The following USP15 variants were observed in gnomAD, a reference collection of about 807,000 sequenced individuals.
USP15 encodes the protein ubiquitin carboxyl-terminal hydrolase 15.
A neutral mutation model predicts 127.1 loss-of-function variants in USP15; 18 were observed. That is an observed-to-expected ratio of 0.14 (90% CI 0.10 to 0.21). The LOEUF is 0.21. Ranked by LOEUF, USP15 falls within the 10% of genes least tolerant of loss-of-function variation. The pLI is 1.00. For synonymous variants in USP15, 364 were observed against 393.7 expected (o/e 0.92, Z 0.89); for missense variants, 805 against 1,159.9 (o/e 0.69, Z 4.44).
At chr12:62,273,148 CCT>C (rs1266152752) in intron 1 of USP15, among the ~76,000 whole-genome samples, 3,339 of 152,078 alleles carry the variant, frequency 0.022, 122 homozygotes, top group African/African-American at 0.075. Flanking sequence ...GTCCTTCTGG[CCT>C]TAGCATGTCA....
chr12:62,390,043 A>G lies in USP15; in HGVS notation c.1844+55A>G. ...AATAAATATGGGAATAAAATATAAA[A>G]TAGCTAATAAAAATAAACACATAAG... On this transcript the variant is annotated intron_variant, in intron 14 of 21. Transcript: ENST00000280377. The G allele has an allele frequency of 7.0e-6, 10 of 1,431,128 alleles. No homozygotes were observed. The South Asian group carries it at 1.2e-4, about 17-fold the overall frequency. 88.7% of individuals were successfully genotyped at this position (1,431,128 alleles called of 1,614,324 possible).
chr12:62,299,450 A>G (rs535910762), intron 2 of USP15, among the ~76,000 whole-genome samples: 1 of 152,220 alleles, frequency 6.6e-6, no homozygotes, highest in South Asian at 2.1e-4. Flanking sequence ...TTTATTTAGG[A>G]CAGCACAATG....
intron 8 of USP15, among the ~76,000 whole-genome samples, chr12:62,362,415 C>T (rs1244631745): frequency 1.3e-5 from 2 of 152,028 alleles, no homozygotes; most frequent in Non-Finnish European, 2.9e-5. Context: ...AAAACAGTTT[C>T]CCTAGGAGGT....
Position 62,413,196 on chromosome 12 carries a change from A to G in USP15, c.*8821A>G, listed in dbSNP as rs1443567205. ...TCTCCGCAGTGGGCTTAAAATATTT[A>G]GTAAACCTTCCTATAAACGGATGTG... On this transcript the variant is annotated 3_prime_UTR_variant, in exon 22 of 22. Transcript: ENST00000280377. 1.3e-5 allele frequency: 2 copies of G among 152,242 alleles called. No homozygotes were observed. The highest frequency in any genetic ancestry group is 2.4e-5 in the African/African-American group (1 of 41,462). The allele number at this position is 152,242 out of a possible 1,614,324, so 9.4% of individuals were successfully genotyped here. A position where few individuals can be genotyped will look rare whatever the true frequency, so the allele number is the denominator to read the frequency against.
In USP15 at chr12:62,368,848, C is replaced by T. The variant is rs148668144; in HGVS notation, c.916-12642C>T. Reference sequence around the variant, plus strand: ...ATGTGTGAATTTGTTCCTGTCATTACGATAGTAACTGGTTATTTTGCCCAT... The same window carrying T: ...ATGTGTGAATTTGTTCCTGTCATTATGATAGTAACTGGTTATTTTGCCCAT... On this transcript the variant is annotated intron_variant, in intron 8 of 21. Transcript: ENST00000280377. Among the ~76,000 whole-genome samples the T allele has an allele frequency of 3.3e-5, 5 of 152,190 alleles. No individual in the cohort carries two copies. The East Asian group carries it at 5.8e-4, about 18-fold the overall frequency.
chr12:62,323,178 T>C (rs1054305456), intron 5 of USP15, among the ~76,000 whole-genome samples: 2 of 152,206 alleles, frequency 1.3e-5, no homozygotes, highest in East Asian at 3.8e-4. Context: ...CAAAGATGTA[T>C]GTATATTTGT....
At chr12:62,334,051 AAG>A (rs1447004623) in intron 6 of USP15, 1 of 152,186 alleles carries the variant, frequency 6.6e-6, no homozygotes, top group African/African-American at 2.4e-5. Flanking sequence ...ACTCCAGCAA[AAG>A]AGGGGGTCGG....
At chr12:62,262,433 G>C (rs886542704) in intron 1 of USP15, among the ~76,000 whole-genome samples, 5 of 151,996 alleles carry the variant, frequency 3.3e-5, no homozygotes, top group African/African-American at 1.2e-4. Flanking sequence ...ATTTTAAAAA[G>C]TGAATTTCCT....
chr12:62,279,564 T>C (rs1044817991), intron 1 of USP15, among the ~76,000 whole-genome samples: 1 of 152,148 alleles, frequency 6.6e-6, no homozygotes, highest in Non-Finnish European at 1.5e-5. Context: ...CCATTTTCCA[T>C]AGCCAGTGCA....
chr12:62,380,815 AT>A (rs1166826887), intron 8 of USP15, among the ~76,000 whole-genome samples: 2 of 152,032 alleles, frequency 1.3e-5, no homozygotes, highest in African/African-American at 4.8e-5. Flanking sequence ...TAAATATGAA[AT>A]TTTTTAATTC....
At chr12:62,335,667 A>G in intron 6 of USP15, 3 of 986,572 alleles carry the variant, frequency 3.0e-6, no homozygotes, top group Non-Finnish European at 3.6e-6. Flanking sequence ...CTTCATCTTT[A>G]AAACCAAAAA....
intron 2 of USP15, among the ~76,000 whole-genome samples, chr12:62,295,064 G>A (rs753368616): frequency 1.3e-5 from 2 of 152,136 alleles, no homozygotes; most frequent in Non-Finnish European, 2.9e-5. Flanking sequence ...TGCAGTCTAG[G>A]AAAACCAAGG....
At chr12:62,293,973 G>C (rs2064054131) in intron 1 of USP15, among the ~76,000 whole-genome samples, 2 of 152,036 alleles carry the variant, frequency 1.3e-5, no homozygotes, top group African/African-American at 4.8e-5. Flanking sequence ...TTGTCATTAA[G>C]TAGTATATAT....
chr12:62,291,620 A>G (rs7300928), intron 1 of USP15, among the ~76,000 whole-genome samples: 34,113 of 152,098 alleles, frequency 0.22, 4,167 homozygotes, highest in African/African-American at 0.34. Flanking sequence ...GTTCTTTCTC[A>G]TCTGGAAAAA....
At chr12:62,352,470 T>C (rs138826049) in intron 7 of USP15, among the ~76,000 whole-genome samples, 69 of 152,148 alleles carry the variant, frequency 4.5e-4, no homozygotes, top group African/African-American at 1.6e-3. Context: ...TATATTTGCT[T>C]TGGTATATTA....
intron 6 of USP15, among the ~76,000 whole-genome samples, chr12:62,330,702 C>T (rs2065265494): frequency 1.3e-5 from 2 of 150,710 alleles, no homozygotes; most frequent in South Asian, 4.2e-4. Flanking sequence ...AGGAGTATCA[C>T]TTGAGCCCAG....
chr12:62,368,941 A>G (rs910523415), intron 8 of USP15, among the ~76,000 whole-genome samples: 1 of 152,134 alleles, frequency 6.6e-6, no homozygotes. Context: ...AGTGGCTGGT[A>G]CTGGTTGTTC....
intron 1 of USP15, among the ~76,000 whole-genome samples, chr12:62,282,293 G>A (rs1291302834): frequency 6.6e-6 from 1 of 152,006 alleles, no homozygotes; most frequent in Admixed American, 6.6e-5. Flanking sequence ...ATGCCCCACT[G>A]CACTCCAGCC....
chr12:62,333,023 G>A (rs769426358), intron 6 of USP15, among the ~76,000 whole-genome samples: 3 of 152,066 alleles, frequency 2.0e-5, no homozygotes, highest in Non-Finnish European at 4.4e-5. Flanking sequence ...TATCTTAAAC[G>A]TCTTTAGAAA....
Sources: gnomAD v4.1 joint callset for allele counts (sites outside exome capture counted in the v4.1 genomes callset) on GRCh38, gnomAD v4.1.1 for gene constraint, MANE v1.5 for transcripts, NCBI Gene and HGNC (gene_info 2026-07-23, HGNC 2026-07-21) for gene names.